Variants in STYXL2 observed in about 807,000 individuals in gnomAD.
STYXL2 encodes the protein serine/threonine/tyrosine-interacting-like protein 2.
STYXL2 carries 44 observed loss-of-function variants against 52.4 expected under a neutral mutation model. That is an observed-to-expected ratio of 0.84 (90% CI 0.66 to 1.08). STYXL2 has a LOEUF of 1.08. Ranked by LOEUF, STYXL2 falls within the 50% of genes least tolerant of loss-of-function variation. The probability of loss-of-function intolerance (pLI) is 0.00; values close to 1 mark genes in which losing one functional copy is unlikely to be tolerated. For synonymous variants in STYXL2, 604 were observed against 586.9 expected (o/e 1.03, Z -0.42); for missense variants, 1,604 against 1,471.7 (o/e 1.09, Z -1.47).
In STYXL2 at chr1:167,107,851, T is replaced by A. The variant is rs145289459; in HGVS notation, c.111-5859T>A. 2.8e-3 allele frequency among the ~76,000 whole-genome samples: 426 copies of A among 152,180 alleles called. 6 individuals carry two copies. Among genetic ancestry groups the A allele is most frequent in the African/African-American group, 9.3e-3 (386 of 41,498 alleles). Reference sequence around the variant, plus strand: ...GATAGAAGTGCCATAAAAACAGGTGTATGGTGCAAGATCAAGGAAGACTTC... The same window carrying A: ...GATAGAAGTGCCATAAAAACAGGTGAATGGTGCAAGATCAAGGAAGACTTC... On this transcript the variant is annotated intron_variant, in intron 2 of 5. Coordinates refer to ENST00000361200, the MANE Select transcript of STYXL2 (RefSeq NM_001080426.3).
Position 167,094,853 on chromosome 1 carries a change from G to T in STYXL2, c.4G>T (p.Ala2Ser), listed in dbSNP as rs2102216337. The T allele has an allele frequency of 1.2e-6, 2 of 1,612,860 alleles. No homozygotes were observed. Among genetic ancestry groups the T allele is most frequent in the Non-Finnish European group, 1.7e-6 (2 of 1,179,570 alleles). The change falls in exon 2 of 6, where the codon GCG becomes TCG. Residue 2 changes from alanine to serine, a missense_variant. By Grantham distance (99) the Ala-to-Ser change is moderately conservative. Transcript: ENST00000361200. Reference sequence around the variant, plus strand: ...TTTCAGAGGTTGGCAGGTTGTCATGGCGACCAGAAAGGACACAGAGGAGGA... The same window carrying T: ...TTTCAGAGGTTGGCAGGTTGTCATGTCGACCAGAAAGGACACAGAGGAGGA... Reference protein sequence around the residue: MATRKDTEEEQV... With the variant: MSTRKDTEEEQV...
At chr1:167,116,259 A>G (rs989903059) in intron 3 of STYXL2, among the ~76,000 whole-genome samples, 2 of 152,234 alleles carry the variant, frequency 1.3e-5, no homozygotes, top group Non-Finnish European at 2.9e-5. Context: ...ATATATTATT[A>G]GAAGATAAAG....
intron 2 of STYXL2, among the ~76,000 whole-genome samples, chr1:167,097,803 A>G (rs1350765148): frequency 1.3e-5 from 2 of 152,086 alleles, no homozygotes; most frequent in African/African-American, 2.4e-5. Context: ...CAATTAAAAG[A>G]CAAAGATGGT....
chr1:167,104,824 A>T (rs532634017), intron 2 of STYXL2, among the ~76,000 whole-genome samples: 23 of 152,154 alleles, frequency 1.5e-4, no homozygotes, highest in Admixed American at 3.9e-4. Context: ...CTCTACCTCC[A>T]TTTCACTTCC....
chr1:167,123,226 G>A (rs1449603241), intron 5 of STYXL2, among the ~76,000 whole-genome samples: 1 of 152,186 alleles, frequency 6.6e-6, no homozygotes, highest in East Asian at 1.9e-4. Context: ...TGCTTTGGAT[G>A]AAGTGGGTAA....
chr1:167,121,497 C>G (rs1414713644), intron 5 of STYXL2, among the ~76,000 whole-genome samples: 2 of 152,238 alleles, frequency 1.3e-5, no homozygotes, highest in African/African-American at 4.8e-5. Flanking sequence ...CACGAGCCGG[C>G]GGTCCCCCGC....
At chr1:167,118,464 G>A (rs1667777658) in intron 4 of STYXL2, among the ~76,000 whole-genome samples, 1 of 152,202 alleles carries the variant, frequency 6.6e-6, no homozygotes, top group African/African-American at 2.4e-5. Context: ...GGAGTAATCA[G>A]TTGCCTAGAA....
rs1667954235 is a variant in STYXL2, at chr1:167,125,982, AGGACTAT to A, written c.854_860del (p.Asp285AlafsTer26). 1 of 1,612,982 alleles carries A rather than the reference AGGACTAT, an allele frequency of 6.2e-7. No individual in the cohort carries two copies. The highest frequency in any genetic ancestry group is 1.3e-5 in the African/African-American group (1 of 74,890). ...GAGAAGTTGATGGAGGAGAGAGAAG[AGGACTAT>A]GGCCGGGAGGGGGGATCAGCTGAGG... is the stretch of plus-strand genomic sequence containing the variant. On this transcript the variant is annotated frameshift_variant, in exon 6 of 6. Coordinates refer to ENST00000361200, the MANE Select transcript of STYXL2 (RefSeq NM_001080426.3). LOFTEE classifies it low-confidence loss of function (END_TRUNC).
Position 167,126,648 on chromosome 1 carries a change from A to T in STYXL2, c.1517A>T (p.Asp506Val). Reference protein sequence around the residue: ...HAKSKREEAADRSSEAGSRVR... With the variant: ...HAKSKREEAAVRSSEAGSRVR... ...AAGAGCAAGAGAGAGGAGGCGGCAGACAGGAGCTCAGAAGCAGGGAGCAGG... is the reference window on the plus strand; with the variant it reads ...AAGAGCAAGAGAGAGGAGGCGGCAGTCAGGAGCTCAGAAGCAGGGAGCAGG... The change falls in exon 6 of 6, where the codon GAC (aspartate) becomes GTC (valine). Residue 506 changes from aspartate to valine, a missense_variant. Physicochemically the swap from Asp to Val is radical, Grantham distance 152. Coordinates refer to ENST00000361200, the MANE Select transcript of STYXL2 (RefSeq NM_001080426.3). The T allele has an allele frequency of 3.1e-6, 5 of 1,614,126 alleles. No homozygotes were observed. The African/African-American group carries it at 4.0e-5, about 13-fold the overall frequency.
At chr1:167,116,320 G>A (rs923069683) in intron 3 of STYXL2, among the ~76,000 whole-genome samples, 17 of 152,110 alleles carry the variant, frequency 1.1e-4, no homozygotes, top group Admixed American at 5.2e-4. Context: ...TGGAGTTTGA[G>A]CTTTTCTGAC....
chr1:167,119,665 C>T (rs1462947405), intron 5 of STYXL2, among the ~76,000 whole-genome samples, 199 bp downstream of exon 5: 6 of 152,222 alleles, frequency 3.9e-5, no homozygotes, highest in Non-Finnish European at 8.8e-5. Flanking sequence ...GTGCCAACTA[C>T]TATTCTAGGC....
chr1:167,121,667 T>C (rs998375989), intron 5 of STYXL2, among the ~76,000 whole-genome samples: 8 of 152,194 alleles, frequency 5.3e-5, no homozygotes, highest in Non-Finnish European at 7.3e-5. Context: ...CTGTCGCGGG[T>C]GTAACCCAGG....
chr1:167,100,686 C>T (rs562272910), intron 2 of STYXL2, among the ~76,000 whole-genome samples: 62 of 152,326 alleles, frequency 4.1e-4, no homozygotes, highest in Non-Finnish European at 7.2e-4. Context: ...TTCCTTAAAA[C>T]ATGGCCCCAC....
intron 2 of STYXL2, among the ~76,000 whole-genome samples, chr1:167,107,436 A>G (rs754520827): frequency 1.4e-4 from 22 of 152,236 alleles, no homozygotes; most frequent in East Asian, 3.8e-4. Flanking sequence ...AATTGCTAAC[A>G]TAGGCCTCAG....
intron 4 of STYXL2, among the ~76,000 whole-genome samples, chr1:167,118,118 A>T (rs1667770321): frequency 6.6e-6 from 1 of 152,212 alleles, no homozygotes; most frequent in Non-Finnish European, 1.5e-5. Context: ...TGTTTTTACA[A>T]GCAGTTTTTA....
chr1:167,094,750 G>C (rs1571327134), intron 1 of STYXL2, 84 bp from the exon 2 acceptor site: 1 of 902,700 alleles, frequency 1.1e-6, no homozygotes, highest in Admixed American at 2.1e-5. Context: ...GTTCCACTGA[G>C]GTGACATCAC....
At chr1:167,104,688 T>C (rs182072328) in intron 2 of STYXL2, among the ~76,000 whole-genome samples, 1 of 152,358 alleles carries the variant, frequency 6.6e-6, no homozygotes, top group Admixed American at 6.5e-5. Flanking sequence ...CTGACTTCTC[T>C]TCTTCCTTAG....
rs757706679 is a variant in STYXL2 at position 167,117,480 on chromosome 1, C to A, written c.358C>A (p.Arg120=). The change falls in exon 4 of 6, where the codon CGG becomes AGG. Residue 120 remains arginine (R), a synonymous_variant. Transcript: ENST00000361200. ...TACGCCCTGTGTCCTGGACCTACAG[C>A]GGGCCCTGGTTCAGGATCGCCAAGA... ...YNTPCVLDLQ[R]ALVQDRQEAP... is the part of the protein sequence containing the mutation. 5 of 1,612,124 alleles carry A rather than the reference C, an allele frequency of 3.1e-6. No individual in the cohort carries two copies. In the African/African-American group the frequency reaches 5.3e-5, roughly 17 times the overall value.
At position 167,127,584 on chromosome 1, in the gene STYXL2, G is replaced by C; in HGVS notation, c.2453G>C (p.Gly818Ala). The change falls in exon 6 of 6, where the codon GGG becomes GCG. Residue 818 changes from glycine (G) to alanine (A), a missense_variant. Gly to Ala is a moderately conservative substitution (Grantham distance 60, BLOSUM62 0). Coordinates refer to ENST00000361200, the MANE Select transcript of STYXL2 (RefSeq NM_001080426.3). ...PAESCRSKVR[G>A]TSKPIFSLFA... Reference sequence around the variant, plus strand: ...GAAAGTTGCAGAAGCAAAGTGAGGGGGACCAGCAAGCCCATCTTCAGCCTC... The same window carrying C: ...GAAAGTTGCAGAAGCAAAGTGAGGGCGACCAGCAAGCCCATCTTCAGCCTC... The C allele has an allele frequency of 1.2e-6, 2 of 1,614,134 alleles. No homozygotes were observed. Among genetic ancestry groups the C allele is most frequent in the Non-Finnish European group, 1.7e-6 (2 of 1,180,028 alleles).
Sources: gnomAD v4.1 joint callset for allele counts (sites outside exome capture counted in the v4.1 genomes callset) on GRCh38, gnomAD v4.1.1 for gene constraint, MANE v1.5 for transcripts, NCBI Gene and HGNC (gene_info 2026-07-23, HGNC 2026-07-21) for gene names.